BCL7B: variants seen among roughly 807,000 people sequenced by gnomAD.
The protein encoded by BCL7B is BAF chromatin remodeling complex subunit BCL7B.
BCL7B carries 11 observed loss-of-function variants against 26.5 expected under a neutral mutation model. That is an observed-to-expected ratio of 0.42 (90% confidence interval 0.26 to 0.69). The LOEUF (loss-of-function observed/expected upper bound fraction) is 0.69. Among genes scored for constraint, BCL7B ranks in the 30% least tolerant of loss-of-function variants. The pLI is 0.28. For missense variants in BCL7B, 215 were observed against 264.4 expected, an observed-to-expected ratio of 0.81 and a Z score of 1.30; for synonymous variants, 111 against 107.9, an observed-to-expected ratio of 1.03 and a Z score of -0.18.
chr7:73,549,488 C>A (rs1160834691), intron 2 of BCL7B, among the ~76,000 whole-genome samples: 1 of 152,052 alleles, frequency 6.6e-6, no homozygotes, highest in Non-Finnish European at 1.5e-5. Context: ...CCAGCCTGGG[C>A]AACAATGAGA....
intron 4 of BCL7B, among the ~76,000 whole-genome samples, chr7:73,539,359 C>T (rs957378415): frequency 6.6e-6 from 1 of 152,040 alleles, no homozygotes; most frequent in East Asian, 1.9e-4. Flanking sequence ...TCAAGTGATT[C>T]TTCTGCCTCA....
chr7:73,537,901 C>A, intron 5 of BCL7B, 33 bp downstream of exon 5: 1 of 1,532,558 alleles, frequency 6.5e-7, no homozygotes, highest in Non-Finnish European at 8.8e-7. Flanking sequence ...ACCAAAAAAA[C>A]AAAAAACTGG....
At chr7:73,552,360 C>T in intron 1 of BCL7B, 118 bp from the exon 2 acceptor site, 1 of 836,898 alleles carries the variant, frequency 1.2e-6, no homozygotes, top group Non-Finnish European at 2.0e-6. Context: ...TTCTGAACTT[C>T]CTCTTGGTGG....
chr7:73,552,106 AAG>A (rs1792195640), intron 2 of BCL7B, 59 bp downstream of exon 2: 1 of 1,420,970 alleles, frequency 7.0e-7, no homozygotes, highest in Non-Finnish European at 9.7e-7. Context: ...AAAAAAAAAA[AAG>A]AGGCAATCAA....
At position 73,543,653 on chromosome 7, in the gene BCL7B, G is replaced by A. The variant is rs1554583194; in HGVS notation, c.169-9C>T. 1 of 1,608,842 alleles carries A rather than the reference G, an allele frequency of 6.2e-7. No individual in the cohort carries two copies. The highest frequency in any genetic ancestry group is 8.5e-7 in the Non-Finnish European group (1 of 1,176,770). ...GATTTTGACTTTTCTTTCTAGAAAA[G>A]GAAAAAAAGAGGAATATGACAGAGC... On this transcript the variant is annotated splice_polypyrimidine_tract_variant and intron_variant, in intron 2 of 5. Transcript: ENST00000223368.
intron 4 of BCL7B, among the ~76,000 whole-genome samples, chr7:73,538,556 A>G (rs1791627534): frequency 6.6e-6 from 1 of 152,018 alleles, no homozygotes; most frequent in Non-Finnish European, 1.5e-5. Context: ...GCTCACACCT[A>G]TAATCCCAGC....
intron 3 of BCL7B, chr7:73,540,424 C>G (rs1554582697): frequency 5.2e-6 from 1 of 192,916 alleles, no homozygotes; most frequent in Admixed American, 5.1e-5. Context: ...CTGAAGGAGG[C>G]TGGTGGTGTC....
rs1554584250 is a variant in BCL7B at position 73,552,257 on chromosome 7, C to T, written c.93-15G>A. On this transcript the variant is annotated splice_polypyrimidine_tract_variant and intron_variant, in intron 1 of 5. Transcript: ENST00000223368. ...ACTTCTTCTCCCTAAAAGAAAGACA[C>T]TTCTTAGAACGGATAAAACAATGCA... is the stretch of plus-strand genomic sequence containing the variant. The T allele has an allele frequency of 6.3e-7, 1 of 1,598,190 alleles. No homozygotes were observed. The highest frequency in any genetic ancestry group is 8.6e-7 in the Non-Finnish European group (1 of 1,168,846).
At chr7:73,538,228 G>T in intron 4 of BCL7B, 1 of 383,974 alleles carries the variant, frequency 2.6e-6, no homozygotes, top group Non-Finnish European at 4.6e-6. Context: ...TCTCTGCTGG[G>T]CTGGAGATAT....
intron 1 of BCL7B, 88 bp downstream of exon 1, chr7:73,557,399 G>C (rs1414492334): frequency 5.8e-6 from 6 of 1,040,764 alleles, no homozygotes; most frequent in Non-Finnish European, 5.9e-6. Context: ...AGCGCCGGCC[G>C]GTCGGCTCCC....
intron 3 of BCL7B, 32 bp from the exon 4 acceptor site, chr7:73,540,084 G>A: frequency 1.9e-6 from 3 of 1,600,060 alleles, no homozygotes; most frequent in South Asian, 1.1e-5. Flanking sequence ...GGCAGCAGCT[G>A]AGCGTGGTCA....
intron 1 of BCL7B, chr7:73,556,968 G>T (rs1480574453): frequency 1.8e-5 from 18 of 988,710 alleles, no homozygotes; most frequent in Non-Finnish European, 2.0e-5. Context: ...GGTTACTGGG[G>T]GAAAGGGAGG....
At chr7:73,557,289 G>A in intron 1 of BCL7B, 198 bp downstream of exon 1, 1 of 1,147,420 alleles carries the variant, frequency 8.7e-7, no homozygotes, top group Non-Finnish European at 1.1e-6. Flanking sequence ...GGGCCCGCGA[G>A]CCGGGAGGAC....
intron 2 of BCL7B, among the ~76,000 whole-genome samples, chr7:73,550,607 A>G (rs1792124922): frequency 1.3e-5 from 2 of 151,676 alleles, no homozygotes. Flanking sequence ...GAGAATACAA[A>G]GAGGTTCTGG....
At chr7:73,538,386 G>T (rs1791622131) in intron 4 of BCL7B, 1 of 184,502 alleles carries the variant, frequency 5.4e-6, no homozygotes, top group Non-Finnish European at 1.1e-5. Context: ...CAAATAGTAA[G>T]AACACAATAA....
chr7:73,541,580 G>A (rs1244725310), intron 3 of BCL7B, among the ~76,000 whole-genome samples: 1 of 150,978 alleles, frequency 6.6e-6, no homozygotes, highest in Non-Finnish European at 1.5e-5. Context: ...TGATTCTCCT[G>A]CCTCAGCCTC....
intron 1 of BCL7B, chr7:73,557,182 G>T (rs765345459): frequency 3.9e-6 from 4 of 1,027,718 alleles, no homozygotes; most frequent in Non-Finnish European, 4.7e-6. Flanking sequence ...CCCCGGGCTG[G>T]GCCGGGCGCG....
intron 3 of BCL7B, among the ~76,000 whole-genome samples, chr7:73,540,724 G>A (rs1554582755): frequency 6.7e-6 from 1 of 149,602 alleles, no homozygotes; most frequent in African/African-American, 2.5e-5. Flanking sequence ...CAGCTACTCA[G>A]GAGGCTGAGG....
At chr7:73,539,715 C>T in intron 4 of BCL7B, 167 bp downstream of exon 4, 3 of 777,330 alleles carry the variant, frequency 3.9e-6, no homozygotes, top group Non-Finnish European at 5.9e-6. Context: ...TTCTCCCTTC[C>T]CTCTGTGAAA....
Sources: gnomAD v4.1 joint callset for allele counts (sites outside exome capture counted in the v4.1 genomes callset) on GRCh38, gnomAD v4.1.1 for gene constraint, MANE v1.5 for transcripts, NCBI Gene and HGNC (gene_info 2026-07-23, HGNC 2026-07-21) for gene names.